The following ALK variants were observed in gnomAD, a reference collection of about 807,000 sequenced individuals.
The protein encoded by ALK is ALK tyrosine kinase receptor.
ALK carries 74 observed loss-of-function variants against 163.1 expected under a neutral mutation model. The observed-to-expected ratio is 0.45, with a 90% CI of 0.38 to 0.55. The LOEUF (loss-of-function observed/expected upper bound fraction) is 0.55. Among genes scored for constraint, ALK ranks in the 20% least tolerant of loss-of-function variants. The pLI, the probability that ALK is intolerant of heterozygous loss-of-function variation, is 0.00. For missense variants in ALK, 2,063 were observed against 2,105.3 expected, an observed-to-expected ratio of 0.98 and a Z score of 0.39; for synonymous variants, 960 against 843.2, an observed-to-expected ratio of 1.14 and a Z score of -2.40.
intron 1 of ALK, among the ~76,000 whole-genome samples, chr2:29,799,320 C>G (rs750596526): frequency 6.6e-6 from 1 of 152,154 alleles, no homozygotes; most frequent in Admixed American, 6.5e-5. Context: ...AGAATGGGGT[C>G]ACAGAAGAGT....
chr2:29,409,429 G>A (rs925423409), intron 4 of ALK, among the ~76,000 whole-genome samples: 15 of 152,062 alleles, frequency 9.9e-5, no homozygotes, highest in African/African-American at 2.9e-4. Context: ...TCAGGCTCAC[G>A]GGACCATTGG....
At chr2:29,559,768 C>CGTGT (rs56285031) in intron 3 of ALK, among the ~76,000 whole-genome samples, 12,180 of 143,038 alleles carry the variant, frequency 0.085, 685 homozygotes, top group African/African-American at 0.15. Context: ...GGAGCATGTA[C>CGTGT]GTGTGTGTGT....
At chr2:29,272,818 C>T (rs544295040) in intron 11 of ALK, among the ~76,000 whole-genome samples, 3 of 152,192 alleles carry the variant, frequency 2.0e-5, no homozygotes, top group Non-Finnish European at 4.4e-5. Flanking sequence ...TGTTTATCTC[C>T]GATTGGAGAC....
At chr2:29,564,608 C>T (rs60740680) in intron 3 of ALK, among the ~76,000 whole-genome samples, 2,643 of 152,282 alleles carry the variant, frequency 0.017, 49 homozygotes, top group African/African-American at 0.05. Flanking sequence ...TCTTCTTTCT[C>T]CATTTCCCTC....
chr2:29,198,125 C>G (rs1318587925), intron 26 of ALK, among the ~76,000 whole-genome samples: 2 of 152,136 alleles, frequency 1.3e-5, no homozygotes, highest in African/African-American at 4.8e-5. Flanking sequence ...CTATAATGAA[C>G]ATCTTTGTGC....
chr2:29,401,187 C>T (rs1466111538), intron 4 of ALK, among the ~76,000 whole-genome samples: 2 of 152,124 alleles, frequency 1.3e-5, no homozygotes, highest in Admixed American at 6.5e-5. Context: ...GTTGGGCCTT[C>T]GAGGAGCAAG....
chr2:29,797,743 A>C (rs1490683663), intron 1 of ALK, among the ~76,000 whole-genome samples: 1 of 152,128 alleles, frequency 6.6e-6, no homozygotes, highest in African/African-American at 2.4e-5. Context: ...ACTCATCTCC[A>C]TATCCATGCA....
At chr2:29,807,305 G>A (rs1664644852) in intron 1 of ALK, among the ~76,000 whole-genome samples, 1 of 152,218 alleles carries the variant, frequency 6.6e-6, no homozygotes, top group South Asian at 2.1e-4. Flanking sequence ...AAGGGAGGGT[G>A]AATGAAAAAG....
chr2:29,380,645 G>C (rs1668873971), intron 5 of ALK, among the ~76,000 whole-genome samples: 1 of 152,016 alleles, frequency 6.6e-6, no homozygotes, highest in Non-Finnish European at 1.5e-5. Flanking sequence ...TGTTGGTCAG[G>C]CTGGTCTCGA....
At chr2:29,844,321 C>T (rs915107628) in intron 1 of ALK, among the ~76,000 whole-genome samples, 3 of 152,122 alleles carry the variant, frequency 2.0e-5, no homozygotes, top group Admixed American at 2.0e-4. Flanking sequence ...ATGAGCAGTG[C>T]CCCCCGGGGC....
At chr2:29,509,019 C>T (rs910983910) in intron 4 of ALK, among the ~76,000 whole-genome samples, 3 of 152,154 alleles carry the variant, frequency 2.0e-5, no homozygotes, top group East Asian at 1.9e-4. Context: ...ATGTGAGTAG[C>T]GTGTGCAGGT....
At chr2:29,861,966 G>A (rs1339071724) in intron 1 of ALK, among the ~76,000 whole-genome samples, 12 of 152,092 alleles carry the variant, frequency 7.9e-5, no homozygotes, top group African/African-American at 2.7e-4. Flanking sequence ...TGCAAGGATG[G>A]CTCAAAATAC....
chr2:29,205,849 A>G (rs555854322), intron 26 of ALK, among the ~76,000 whole-genome samples: 2 of 152,220 alleles, frequency 1.3e-5, no homozygotes, highest in African/African-American at 4.8e-5. Flanking sequence ...TGGGATTAGG[A>G]CCTGATACCC....
At chr2:29,735,288 A>T (rs1679859340) in intron 1 of ALK, among the ~76,000 whole-genome samples, 1 of 152,132 alleles carries the variant, frequency 6.6e-6, no homozygotes, top group Non-Finnish European at 1.5e-5. Flanking sequence ...TTTAGGCAGT[A>T]TTTAAGAGTG....
intron 26 of ALK, among the ~76,000 whole-genome samples, chr2:29,199,792 AACC>A (rs139403044): frequency 0.093 from 14,222 of 152,206 alleles, 1,226 homozygotes; most frequent in East Asian, 0.46. Flanking sequence ...TAAAACTTTA[AACC>A]ACTACCTAAT....
chr2:29,236,703 C>T (rs1028325732), intron 13 of ALK, among the ~76,000 whole-genome samples: 1 of 152,128 alleles, frequency 6.6e-6, no homozygotes, highest in African/African-American at 2.4e-5. Flanking sequence ...TCCTACCTCC[C>T]TGGTTCCTCT....
At chr2:29,839,932 T>A (rs918188319) in intron 1 of ALK, among the ~76,000 whole-genome samples, 5 of 152,194 alleles carry the variant, frequency 3.3e-5, no homozygotes, top group Non-Finnish European at 5.9e-5. Context: ...ATTTAATCCT[T>A]ACAGTCATGC....
chr2:29,855,707 T>G (rs1314658172), intron 1 of ALK, among the ~76,000 whole-genome samples: 1 of 152,198 alleles, frequency 6.6e-6, no homozygotes, highest in Non-Finnish European at 1.5e-5. Flanking sequence ...AGCCACAAGG[T>G]CAGAGAAGGT....
chr2:29,323,538 CA>C (rs1419119643), intron 6 of ALK, among the ~76,000 whole-genome samples: 3 of 152,062 alleles, frequency 2.0e-5, no homozygotes, highest in African/African-American at 2.4e-5. Context: ...AGGAGGCAGG[CA>C]AAAGAGCAAG....
Sources: gnomAD v4.1 joint callset for allele counts (sites outside exome capture counted in the v4.1 genomes callset) on GRCh38, gnomAD v4.1.1 for gene constraint, MANE v1.5 for transcripts, NCBI Gene and HGNC (gene_info 2026-07-23, HGNC 2026-07-21) for gene names.